ZNF454: variants seen among roughly 807,000 people sequenced by gnomAD.
The protein encoded by ZNF454 is zinc finger protein 454.
In ZNF454, 30 loss-of-function variants were observed where a neutral mutation model predicts 48.2. That is an observed-to-expected ratio of 0.62 (90% CI 0.47 to 0.84). The LOEUF is 0.84. Ranked by LOEUF, ZNF454 falls within the 40% of genes least tolerant of loss-of-function variation. The pLI, the probability that ZNF454 is intolerant of heterozygous loss-of-function variation, is 0.00. For missense variants in ZNF454, 510 were observed against 623.1 expected (o/e 0.82, Z 1.93); for synonymous variants, 204 against 211.4 (o/e 0.97, Z 0.30).
At chr5:178,974,639 C>A in the ZNF454 span, among the ~76,000 whole-genome samples, 1 of 152,026 alleles carries the variant, frequency 6.6e-6, no homozygotes, top group African/African-American at 2.4e-5. Context: ...CTGTACTTAC[C>A]ATTACTGCAT....
At chr5:178,986,058 G>A in the ZNF454 span, 230 of 1,401,084 alleles carry the variant, frequency 1.6e-4, no homozygotes, top group African/African-American at 2.7e-3. Flanking sequence ...CACTGTGCCT[G>A]GCCCTTTTGG....
chr5:178,987,178 C>T, the ZNF454 span: 944 of 704,842 alleles, frequency 1.3e-3, 8 homozygotes, highest in African/African-American at 0.014. Context: ...CAGAAAATAA[C>T]GAGTGTTGTG....
rs1033802656 is a variant in ZNF454 at position 178,941,233 on chromosome 5, G to T, written c.-319G>T. The T allele has an allele frequency of 2.6e-6, 1 of 387,762 alleles. No homozygotes were observed. Among genetic ancestry groups the T allele is most frequent in the African/African-American group, 2.1e-5 (1 of 48,142 alleles). The allele number at this position is 387,762 out of a possible 1,614,324, so 24.0% of individuals were successfully genotyped here. ...TGCAGACTCCAGCTCATTGTGTTCT[G>T]ACTGCGATGTGGCGCTTGCGATCTC... is the stretch of plus-strand genomic sequence containing the variant. On this transcript the variant is annotated 5_prime_UTR_variant, in exon 1 of 5. Coordinates refer to ENST00000519564, the MANE Select transcript of ZNF454 (RefSeq NM_001178089.3). The surrounding 1 kb of genome is among the most constrained non-coding windows in gnomAD (Gnocchi z 5.5).
intron 4 of ZNF454, 67 bp from the exon 5 acceptor site, chr5:178,964,588 G>A (rs1475878465): frequency 2.1e-5 from 25 of 1,216,784 alleles, no homozygotes; most frequent in South Asian, 5.6e-5. Context: ...GAAGAGGCTC[G>A]TCATCTTGCC....
the ZNF454 span, among the ~76,000 whole-genome samples, chr5:178,984,642 T>C: frequency 6.6e-6 from 1 of 151,988 alleles, no homozygotes; most frequent in Admixed American, 6.6e-5. Context: ...GGCCGGGACG[T>C]AGAGGGCACC....
chr5:178,989,082 A>G, the ZNF454 span: 7 of 1,613,954 alleles, frequency 4.3e-6, no homozygotes. Context: ...TCAATCACAA[A>G]CTGCACCTTG....
At chr5:178,988,833 G>A in the ZNF454 span, 1 of 935,328 alleles carries the variant, frequency 1.1e-6, no homozygotes, top group Non-Finnish European at 1.7e-6. The surrounding 1 kb of genome is among the most constrained non-coding windows in gnomAD (Gnocchi z 6.0). Context: ...AGACCACTCA[G>A]CCTCACCCAG....
At chr5:178,983,737 C>T in the ZNF454 span, among the ~76,000 whole-genome samples, 149,966 of 152,312 alleles carry the variant, frequency 0.98, 73,878 homozygotes, top group East Asian at 1. Flanking sequence ...CCGAGGAGTA[C>T]TGGAGTCTGT....
At chr5:178,949,516 A>G (rs990999130) in intron 4 of ZNF454, among the ~76,000 whole-genome samples, 1 of 152,014 alleles carries the variant, frequency 6.6e-6, no homozygotes, top group Admixed American at 6.6e-5. Flanking sequence ...AATAGCTACT[A>G]TTGTCACTTG....
chr5:178,957,195 T>A (rs1009849802), intron 4 of ZNF454, among the ~76,000 whole-genome samples: 3 of 152,042 alleles, frequency 2.0e-5, no homozygotes, highest in Non-Finnish European at 2.9e-5. Context: ...TCTTTCTTAT[T>A]TTATTCGTCC....
At chr5:178,969,486 C>G (rs925804662), downstream of ZNF454, 2 of 456,782 alleles carry the variant, frequency 4.4e-6, no homozygotes, top group African/African-American at 4.0e-5. Context: ...TGTCGACATA[C>G]CCAGCTGTGA....
chr5:178,965,832 C>G lies in ZNF454; in HGVS notation c.1428C>G (p.Ala476=). The stretch of plus-strand genomic sequence containing the variant: ...ACAAATGTAAAATCTGTGAGAAAGC[C>G]TTTATCCGAAGCACTCACCTGACTC... ...KPYKCKICEK[A]FIRSTHLTQH... The change falls in exon 5 of 5, where the codon GCC becomes GCG. Residue 476 remains alanine, a synonymous_variant. Transcript: ENST00000519564. The surrounding 1 kb of genome is among the most constrained non-coding windows in gnomAD (Gnocchi z 5.2). The G allele has an allele frequency of 6.8e-6, 11 of 1,614,096 alleles. No homozygotes were observed. Among genetic ancestry groups the G allele is most frequent in the Non-Finnish European group, 9.3e-6 (11 of 1,180,022 alleles).
chr5:178,988,908 G>C, the ZNF454 span: 1 of 1,584,372 alleles, frequency 6.3e-7, no homozygotes, highest in African/African-American at 1.3e-5. This position sits in a 1 kb window ranked among gnomAD's most constrained non-coding sequence, Gnocchi z 6.0. Flanking sequence ...GTCCTTCACT[G>C]CTGCAGGGGG....
intron 4 of ZNF454, among the ~76,000 whole-genome samples, chr5:178,959,794 A>G (rs1338347912): frequency 1.3e-5 from 2 of 151,572 alleles, no homozygotes; most frequent in East Asian, 2.0e-4. Context: ...TTTAGTAGAG[A>G]CGGGGTTTCA....
Position 178,965,529 on chromosome 5 carries a change from G to A in ZNF454, c.1125G>A (p.Gln375=), listed in dbSNP as rs1231892450. The change falls in exon 5 of 5, where the codon CAG becomes CAA. Residue 375 remains glutamine (Q), a synonymous_variant. Transcript: ENST00000519564. The surrounding 1 kb of genome is among the most constrained non-coding windows in gnomAD (Gnocchi z 5.2). ...FRVNSSLTEH[Q]RIHTGEKPYK... Reference sequence around the variant, plus strand: ...TGAACTCTTCCCTTACTGAACATCAGAGAATTCATACTGGAGAGAAACCTT... The same window carrying A: ...TGAACTCTTCCCTTACTGAACATCAAAGAATTCATACTGGAGAGAAACCTT... 4 of 1,614,068 alleles carry A rather than the reference G, an allele frequency of 2.5e-6. No homozygotes were observed. In the Middle Eastern group the frequency reaches 5.0e-4, roughly 200 times the overall value.
chr5:178,955,012 G>A (rs1475446877), intron 4 of ZNF454, among the ~76,000 whole-genome samples: 1 of 152,216 alleles, frequency 6.6e-6, no homozygotes, highest in African/African-American at 2.4e-5. Context: ...GAACATTCTT[G>A]TGTAAGTTTT....
chr5:178,944,659 G>C lies in ZNF454; in HGVS notation c.34-1700G>C, dbSNP rs1242792798. On this transcript the variant is annotated intron_variant, in intron 2 of 4. Coordinates refer to ENST00000519564, the MANE Select transcript of ZNF454 (RefSeq NM_001178089.3). This position sits in a 1 kb window ranked among gnomAD's most constrained non-coding sequence, Gnocchi z 4.1. ...AAGATATGGAGGTGTTCCCCCAAAT[G>C]CAAAGGCAAAGACACAGCTAGATGT... Among the ~76,000 whole-genome samples the C allele has an allele frequency of 1.3e-5, 2 of 152,218 alleles. No individual in the cohort carries two copies. Among genetic ancestry groups the C allele is most frequent in the African/African-American group, 4.8e-5 (2 of 41,466 alleles).
intron 4 of ZNF454, 82 bp from the exon 5 acceptor site, chr5:178,964,573 A>G: frequency 1.9e-6 from 2 of 1,057,920 alleles, no homozygotes; most frequent in South Asian, 1.5e-5. Context: ...TTCTGTTAGC[A>G]TTATGAAGAG....
chr5:178,969,218 G>T (rs780939857), downstream of ZNF454, among the ~76,000 whole-genome samples: 3 of 152,132 alleles, frequency 2.0e-5, no homozygotes, highest in Non-Finnish European at 4.4e-5. Flanking sequence ...TTTCTCACGT[G>T]GATGATACTG....
Sources: gnomAD v4.1 joint callset for allele counts (sites outside exome capture counted in the v4.1 genomes callset) on GRCh38, gnomAD v4.1.1 for gene constraint, Gnocchi (gnomAD v3.1) non-coding constraint, MANE v1.5 for transcripts, NCBI Gene and HGNC (gene_info 2026-07-23, HGNC 2026-07-21) for gene names.